The following PFKM variants were observed in gnomAD, a reference collection of about 807,000 sequenced individuals.
PFKM encodes ATP-dependent 6-phosphofructokinase, muscle type.
PFKM carries 58 observed loss-of-function variants against 95.5 expected under a neutral mutation model. That is an observed-to-expected ratio of 0.61 (90% CI 0.49 to 0.76). PFKM has a LOEUF of 0.76. Among genes scored for constraint, PFKM ranks in the 30% least tolerant of loss-of-function variants. PFKM has a pLI of 0.00. For missense variants in PFKM, 678 were observed against 1,005.4 expected, an observed-to-expected ratio of 0.67 and a Z score of 4.40; for synonymous variants, 336 against 357.2, an observed-to-expected ratio of 0.94 and a Z score of 0.67.
At chr12:48,141,212 G>A in intron 14 of PFKM, 99 bp from the exon 15 acceptor site, 6 of 1,130,492 alleles carry the variant, frequency 5.3e-6, no homozygotes, top group Non-Finnish European at 8.1e-6. Context: ...AACCAAGGGG[G>A]ATCCAGGGGT....
chr12:48,136,353 T>C (rs1031564632), intron 10 of PFKM, among the ~76,000 whole-genome samples: 6 of 152,250 alleles, frequency 3.9e-5, no homozygotes, highest in African/African-American at 1.4e-4. Context: ...AGGTGTTGTT[T>C]GTTTCTATAG....
chr12:48,131,086 T>C (rs1022592768), intron 3 of PFKM, among the ~76,000 whole-genome samples: 7 of 152,218 alleles, frequency 4.6e-5, no homozygotes, highest in Admixed American at 1.3e-4. Flanking sequence ...TTAGGAAGGA[T>C]ATCCACATCC....
intron 2 of PFKM, chr12:48,125,545 C>G (rs551329466): frequency 7.6e-6 from 2 of 264,402 alleles, no homozygotes; most frequent in African/African-American, 2.5e-5. Context: ...CGCTTGAACC[C>G]GGGAGGCAGA....
intron 3 of PFKM, among the ~76,000 whole-genome samples, chr12:48,114,014 A>G (rs1947447212): frequency 6.6e-6 from 1 of 152,114 alleles, no homozygotes; most frequent in Non-Finnish European, 1.5e-5. Flanking sequence ...TGCCTTTTTA[A>G]GCCCTTCAAC....
At chr12:48,137,920 T>C in intron 11 of PFKM, 74 bp downstream of exon 11, 9 of 1,513,442 alleles carry the variant, frequency 5.9e-6, no homozygotes, top group South Asian at 1.1e-5. Flanking sequence ...CATGAGACTA[T>C]GTCTAAGGCC....
intron 3 of PFKM, among the ~76,000 whole-genome samples, chr12:48,130,992 T>C (rs570746039): frequency 1.1e-4 from 17 of 152,302 alleles, no homozygotes; most frequent in African/African-American, 3.9e-4. Flanking sequence ...TCCATGGTTA[T>C]CAAGACCATC....
intron 7 of PFKM, 58 bp from the exon 8 acceptor site, chr12:48,134,662 TG>T (rs1420726349): frequency 8.6e-6 from 10 of 1,162,334 alleles, no homozygotes; most frequent in Non-Finnish European, 1.3e-5. Flanking sequence ...TTGTTGGGTA[TG>T]GGTGAGGCTA....
In PFKM at chr12:48,107,456, G is replaced by A. The variant is rs1469729861; in HGVS notation, c.82+1G>A. ...TTAGTCAGGACTCCTCAGAGAACAGGTACCCTTGTCTCCTGATCATACTCC... is the reference window on the plus strand; with the variant it reads ...TTAGTCAGGACTCCTCAGAGAACAGATACCCTTGTCTCCTGATCATACTCC... On this transcript the variant is annotated splice_donor_variant, in intron 2 of 24. Transcript: ENST00000340802. LOFTEE classifies it high-confidence loss of function. 7 of 1,580,730 alleles carry A rather than the reference G, an allele frequency of 4.4e-6. No homozygotes were observed. The highest frequency in any genetic ancestry group is 6.0e-6 in the Non-Finnish European group (7 of 1,162,806).
intron 1 of PFKM, chr12:48,107,242 CT>C: frequency 1.5e-6 from 1 of 671,584 alleles, no homozygotes; most frequent in Non-Finnish European, 2.7e-6. Context: ...TGTGCTGATA[CT>C]TTTATATTAT....
intron 12 of PFKM, 143 bp downstream of exon 12, chr12:48,139,492 A>G: frequency 1.4e-6 from 1 of 724,892 alleles, no homozygotes; most frequent in Non-Finnish European, 2.4e-6. Context: ...TGCCCAAGAA[A>G]ATTAGTTGTG....
chr12:48,141,070 C>G (rs1950540928), intron 14 of PFKM, among the ~76,000 whole-genome samples, 199 bp downstream of exon 14: 1 of 152,156 alleles, frequency 6.6e-6, no homozygotes, highest in African/African-American at 2.4e-5. Context: ...AACAACATGT[C>G]TTATTTAATT....
chr12:48,145,481 TC>T lies in PFKM; in HGVS notation c.2199-82del. The T allele has an allele frequency of 6.5e-7, 1 of 1,537,162 alleles. No individual in the cohort carries two copies. The highest frequency in any genetic ancestry group is 1.7e-5 in the Admixed American group (1 of 58,786). ...CATGTCCTAAATCTAACCTCTTCTG[TC>T]TAACTTCTTCCTATAAACCTTTGGT... On this transcript the variant is annotated intron_variant, in intron 22 of 22. Coordinates refer to ENST00000359794, the MANE Select transcript of PFKM (RefSeq NM_000289.6). This position sits in a 1 kb window ranked among gnomAD's most constrained non-coding sequence, Gnocchi z 4.3.
intron 3 of PFKM, among the ~76,000 whole-genome samples, chr12:48,113,460 G>T (rs57956448): frequency 0.021 from 3,245 of 152,306 alleles, 91 homozygotes; most frequent in African/African-American, 0.055. Flanking sequence ...AGTTCCAGGG[G>T]ATCTGGGAGT....
At chr12:48,113,576 C>T (rs1370202583) in intron 3 of PFKM, among the ~76,000 whole-genome samples, 1 of 152,148 alleles carries the variant, frequency 6.6e-6, no homozygotes, top group Non-Finnish European at 1.5e-5. Flanking sequence ...CCCAAGTGGC[C>T]AGATTTCCGA....
At chr12:48,133,087 AT>A (rs759698611) in intron 5 of PFKM, 30 bp downstream of exon 5, 1 of 1,600,422 alleles carries the variant, frequency 6.2e-7, no homozygotes, top group East Asian at 2.2e-5. Context: ...AGTATTGCTT[AT>A]TTGTGTCGGT....
chr12:48,142,710 G>A, intron 17 of PFKM, 72 bp from the exon 18 acceptor site: 1 of 1,381,080 alleles, frequency 7.2e-7, no homozygotes, highest in Non-Finnish European at 1.0e-6. Flanking sequence ...TTAATTAATG[G>A]CAAAGATTAA....
chr12:48,126,223 C>G (rs1390935118), intron 2 of PFKM, among the ~76,000 whole-genome samples: 3 of 152,202 alleles, frequency 2.0e-5, no homozygotes, highest in African/African-American at 7.2e-5. Flanking sequence ...CAAGGAGACT[C>G]TGGCCAGGAC....
chr12:48,135,530 C>A, intron 10 of PFKM, 147 bp downstream of exon 10: 1 of 622,662 alleles, frequency 1.6e-6, no homozygotes, highest in Non-Finnish European at 2.9e-6. Flanking sequence ...TGGCCACTGA[C>A]CCATTCCCAT....
intron 3 of PFKM, among the ~76,000 whole-genome samples, chr12:48,113,934 C>T (rs1300961207): frequency 6.6e-6 from 1 of 152,170 alleles, no homozygotes; most frequent in African/African-American, 2.4e-5. Context: ...CTAAGCCGGC[C>T]ATGAACTGGG....
Sources: gnomAD v4.1 joint callset for allele counts (sites outside exome capture counted in the v4.1 genomes callset) on GRCh38, gnomAD v4.1.1 for gene constraint, Gnocchi (gnomAD v3.1) non-coding constraint, MANE v1.5 for transcripts, NCBI Gene and HGNC (gene_info 2026-07-23, HGNC 2026-07-21) for gene names.